CCDC144A: variants seen among roughly 807,000 people sequenced by gnomAD.
CCDC144A encodes the protein coiled-coil domain-containing protein 144A.
In CCDC144A, 41 loss-of-function variants were observed where a neutral mutation model predicts 143.8. That is an observed-to-expected ratio of 0.29 (90% CI 0.22 to 0.37). The LOEUF (loss-of-function observed/expected upper bound fraction) is 0.37, where lower values mean the gene tolerates loss of function less well. CCDC144A is among the 10% of genes least tolerant of loss of function. The pLI, the probability that CCDC144A is intolerant of heterozygous loss-of-function variation, is 1.00. For synonymous variants in CCDC144A, 242 were observed against 517.9 expected (o/e 0.47, Z 7.23); for missense variants, 637 against 1,488.8 (o/e 0.43, Z 9.41).
the CCDC144A span, among the ~76,000 whole-genome samples, chr17:16,679,091 G>C: frequency 1.5e-5 from 1 of 67,766 alleles, no homozygotes; most frequent in South Asian, 6.4e-4. Flanking sequence ...GAGATGGCGG[G>C]GGGGGGTCTC....
At chr17:16,682,674 A>G in the CCDC144A span, among the ~76,000 whole-genome samples, 2 of 152,022 alleles carry the variant, frequency 1.3e-5, no homozygotes, top group African/African-American at 4.8e-5. Context: ...GAATTCTATC[A>G]AAGAAAGTTT....
rs1449053682 is a variant in CCDC144A at position 16,775,039 on chromosome 17, G to A, written c.*1406G>A. ...CCACCCATGTCCCTGCAAAGGACAT[G>A]TCTCATTCCTTTTCATGGCTGCATA... On this transcript the variant is annotated 3_prime_UTR_variant, in exon 17 of 17. Transcript: ENST00000399273. 2.6e-5 allele frequency: 4 copies of A among 151,510 alleles called. No individual in the cohort carries two copies. Among genetic ancestry groups the A allele is most frequent in the Non-Finnish European group, 5.9e-5 (4 of 67,924 alleles). 9.4% of individuals were successfully genotyped at this position (151,510 alleles called of 1,614,324 possible). A position where few individuals can be genotyped will look rare whatever the true frequency, so the allele number is the denominator to read the frequency against.
At position 16,726,605 on chromosome 17, in the gene CCDC144A, GA is replaced by G. The variant is rs1039059654; in HGVS notation, c.1892-920del. Among the ~76,000 whole-genome samples the G allele has an allele frequency of 1.6e-4, 24 of 152,002 alleles. No homozygotes were observed. The East Asian group carries it at 3.1e-3, about 20-fold the overall frequency. On this transcript the variant is annotated intron_variant, in intron 8 of 16. Transcript: ENST00000399273. ...TCAGTTTTCCCAGCATCACTCATGG[GA>G]ATGGACACTCTTTTTGGCACATCGT...
intron 8 of CCDC144A, among the ~76,000 whole-genome samples, chr17:16,724,787 A>ATTTTTTTTTTTTTTTTTTTTTTTTTTT (rs760344292): frequency 2.9e-5 from 1 of 35,068 alleles, no homozygotes; most frequent in African/African-American, 1.1e-4. Context: ...GATTAACTGA[A>ATTTTTTTTTTTTTTTTTTTTTTTTTTT]TTTTTTTTTT....
chr17:16,670,216 C>G, the CCDC144A span, among the ~76,000 whole-genome samples: 6 of 150,940 alleles, frequency 4.0e-5, no homozygotes, highest in African/African-American at 7.3e-5. Context: ...AAACTAGTGA[C>G]AAAATCAGTA....
chr17:16,726,007 C>T (rs1484655908), intron 8 of CCDC144A, among the ~76,000 whole-genome samples: 2 of 152,096 alleles, frequency 1.3e-5, no homozygotes, highest in East Asian at 1.9e-4. Context: ...GATGTCTAAT[C>T]TGTGTTCACT....
chr17:16,733,744 A>G (rs1913862664), intron 11 of CCDC144A, among the ~76,000 whole-genome samples: 1 of 151,922 alleles, frequency 6.6e-6, no homozygotes, highest in Non-Finnish European at 1.5e-5. Flanking sequence ...GAGCACTAGA[A>G]GTAAAGTAAG....
intron 12 of CCDC144A, 142 bp from the exon 13 acceptor site, chr17:16,761,283 G>A (rs1181279661): frequency 7.3e-5 from 99 of 1,363,338 alleles, no homozygotes; most frequent in African/African-American, 7.5e-5. Flanking sequence ...GTAGTGAGCC[G>A]AGATCCTGTC....
At chr17:16,715,684 A>G (rs1912707167) in intron 6 of CCDC144A, among the ~76,000 whole-genome samples, 1 of 152,208 alleles carries the variant, frequency 6.6e-6, no homozygotes, top group African/African-American at 2.4e-5. Flanking sequence ...TTTCTATAAG[A>G]GAGCTATGCT....
At chr17:16,694,003 A>G (rs1452727163) in intron 2 of CCDC144A, among the ~76,000 whole-genome samples, 1 of 147,910 alleles carries the variant, frequency 6.8e-6, no homozygotes, top group East Asian at 1.9e-4. Flanking sequence ...CAGAAAAAAT[A>G]CGCTTACTGT....
At chr17:16,754,442 T>C (rs1914974358) in intron 12 of CCDC144A, among the ~76,000 whole-genome samples, 1 of 152,246 alleles carries the variant, frequency 6.6e-6, no homozygotes, top group Admixed American at 6.5e-5. Context: ...TCTATAGGGA[T>C]TGATTTTTTT....
At chr17:16,747,898 G>A (rs1330533344) in intron 12 of CCDC144A, among the ~76,000 whole-genome samples, 1 of 152,086 alleles carries the variant, frequency 6.6e-6, no homozygotes. Flanking sequence ...TTCCTTTTTG[G>A]ATGCCTTTTC....
At chr17:16,736,698 G>T (rs1042860434) in intron 12 of CCDC144A, among the ~76,000 whole-genome samples, 2 of 151,580 alleles carry the variant, frequency 1.3e-5, no homozygotes, top group East Asian at 3.9e-4. Context: ...GGACTGAATC[G>T]GTGAGACAGT....
intron 5 of CCDC144A, among the ~76,000 whole-genome samples, chr17:16,710,698 C>G (rs1422045742): frequency 1.3e-5 from 2 of 151,996 alleles, no homozygotes; most frequent in African/African-American, 4.8e-5. Context: ...GTATATGATG[C>G]CAAAGTAGAA....
chr17:16,687,209 T>C (rs1174800628), upstream of CCDC144A, among the ~76,000 whole-genome samples: 2 of 152,140 alleles, frequency 1.3e-5, no homozygotes, highest in Non-Finnish European at 2.9e-5. Context: ...GAAGATCCTT[T>C]TTTTATGTAT....
rs1912455529 is a variant in CCDC144A, at chr17:16,711,663, C to CA, written c.1579-13dup. 6.2e-7 allele frequency: 1 copy of CA among 1,609,292 alleles called. No individual in the cohort carries two copies. The highest frequency in any genetic ancestry group is 1.1e-5 in the South Asian group (1 of 90,414). ...AAGCAATAACAATCATCCTGAACAT[C>CA]AAACTCTCACTCAAGGTTGAAGAAG... On this transcript the variant is annotated splice_polypyrimidine_tract_variant and intron_variant, in intron 5 of 16. Coordinates refer to ENST00000399273, the MANE Select transcript of CCDC144A (RefSeq NM_001382000.1).
the CCDC144A span, among the ~76,000 whole-genome samples, chr17:16,672,846 A>G: frequency 6.6e-6 from 1 of 152,092 alleles, no homozygotes; most frequent in African/African-American, 2.4e-5. Context: ...CATTGTGTCA[A>G]TATTTGTGTG....
chr17:16,683,546 G>T, the CCDC144A span: 15 of 1,582,782 alleles, frequency 9.5e-6, no homozygotes, highest in Non-Finnish European at 1.0e-5. Flanking sequence ...GCAAGTCCGC[G>T]GTCTTTCTGA....
chr17:16,753,428 G>GTTTTTTTTTTTTTTTTTTTTTTTTTTTTT, intron 12 of CCDC144A, among the ~76,000 whole-genome samples: 3 of 57,376 alleles, frequency 5.2e-5, no homozygotes, highest in Non-Finnish European at 6.4e-5. Context: ...GTGTTTTGTA[G>GTTTTTTTTTTTTTTTTTTTTTTTTTTTTT]TTTTTTTTTT....
Sources: allele counts gnomAD v4.1 joint callset (sites outside exome capture counted in the v4.1 genomes callset), GRCh38; gene constraint gnomAD v4.1.1; transcripts MANE v1.5; gene names NCBI Gene and HGNC (gene_info 2026-07-23, HGNC 2026-07-21).